QTGAL: variants seen among roughly 807,000 people sequenced by gnomAD.
QTGAL encodes queuosine-tRNA galactosyltransferase, also known as BGnT-like protein 1.
the QTGAL span, among the ~76,000 whole-genome samples, chr17:83,032,577 C>G: frequency 1.3e-5 from 2 of 152,240 alleles, no homozygotes; most frequent in African/African-American, 4.8e-5. Context: ...CTAATCCTGT[C>G]ACCCAAAGAC....
At chr17:83,011,255 A>G in the QTGAL span, among the ~76,000 whole-genome samples, 1 of 152,222 alleles carries the variant, frequency 6.6e-6, no homozygotes, top group South Asian at 2.1e-4. Context: ...ACAGGGCGCA[A>G]TGCGGGTTCC....
the QTGAL span, chr17:82,945,419 G>A: frequency 1.3e-5 from 2 of 152,340 alleles, no homozygotes; most frequent in South Asian, 4.1e-4. Context: ...CAGTGAAACT[G>A]CAGAACTGTA....
chr17:82,956,723 C>T, the QTGAL span: 76 of 1,589,010 alleles, frequency 4.8e-5, no homozygotes, highest in South Asian at 2.0e-4. The surrounding 1 kb of genome is among the most constrained non-coding windows in gnomAD (Gnocchi z 5.7). Context: ...GAAGGGTGGC[C>T]GGGCGGCTCG....
chr17:82,951,064 C>G, the QTGAL span, among the ~76,000 whole-genome samples: 1 of 152,344 alleles, frequency 6.6e-6, no homozygotes, highest in South Asian at 2.1e-4. Flanking sequence ...AGAATATAAA[C>G]TTGCACATGC....
the QTGAL span, among the ~76,000 whole-genome samples, chr17:83,000,911 A>G: frequency 6.6e-6 from 1 of 152,208 alleles, no homozygotes. Context: ...AGCAAATGTA[A>G]AACTGCTGTG....
chr17:82,984,315 T>G, the QTGAL span, among the ~76,000 whole-genome samples: 5 of 51,678 alleles, frequency 9.7e-5, no homozygotes, highest in Non-Finnish European at 1.5e-4. Flanking sequence ...TGTGAGGATG[T>G]GGGGGAGAGG....
At chr17:82,960,124 G>A in the QTGAL span, among the ~76,000 whole-genome samples, 17 of 152,304 alleles carry the variant, frequency 1.1e-4, no homozygotes, top group South Asian at 4.1e-4. Flanking sequence ...GGAGAGGAGC[G>A]CGGACGCGGG....
At chr17:82,957,949 G>C in the QTGAL span, among the ~76,000 whole-genome samples, 5 of 152,128 alleles carry the variant, frequency 3.3e-5, no homozygotes, top group Non-Finnish European at 5.9e-5. Flanking sequence ...CCTGGTCTCT[G>C]TTCTCCCTCT....
At chr17:82,964,794 C>CG in the QTGAL span, among the ~76,000 whole-genome samples, 20 of 69,906 alleles carry the variant, frequency 2.9e-4, 1 homozygote, top group Non-Finnish European at 3.9e-4. Flanking sequence ...TGCACCCCCA[C>CG]GGGGGGATGG....
the QTGAL span, chr17:83,007,200 C>T: frequency 1.0e-6 from 1 of 983,656 alleles, no homozygotes. Context: ...TGAATTCTAT[C>T]TGTGAACCTT....
the QTGAL span, among the ~76,000 whole-genome samples, chr17:82,958,336 G>A: frequency 6.6e-6 from 1 of 152,188 alleles, no homozygotes; most frequent in African/African-American, 2.4e-5. Flanking sequence ...CCCTGCCCTG[G>A]CCGAGTCCTG....
chr17:83,026,717 G>A, the QTGAL span, among the ~76,000 whole-genome samples: 1 of 125,854 alleles, frequency 7.9e-6, no homozygotes, highest in South Asian at 2.6e-4. Context: ...CAGACACGCA[G>A]AGGAGGGCAG....
At chr17:83,026,253 C>T in the QTGAL span, among the ~76,000 whole-genome samples, 44 of 152,148 alleles carry the variant, frequency 2.9e-4, no homozygotes, top group Non-Finnish European at 5.4e-4. Context: ...TCTTCCGTGC[C>T]CTGGGAGCTG....
At chr17:83,006,265 G>A in the QTGAL span, 1 of 985,568 alleles carries the variant, frequency 1.0e-6, no homozygotes, top group Non-Finnish European at 1.2e-6. The surrounding 1 kb of genome is among the most constrained non-coding windows in gnomAD (Gnocchi z 5.8). Flanking sequence ...GAGGCCCCTG[G>A]ATCTGTCTCC....
At chr17:82,979,025 A>G in the QTGAL span, among the ~76,000 whole-genome samples, 2 of 152,202 alleles carry the variant, frequency 1.3e-5, no homozygotes, top group Non-Finnish European at 2.9e-5. Flanking sequence ...ATTAAAAGAG[A>G]AGAGAGGTCT....
the QTGAL span, chr17:82,961,231 C>T: frequency 6.3e-7 from 1 of 1,577,250 alleles, no homozygotes; most frequent in Non-Finnish European, 8.6e-7. Flanking sequence ...GAAACGCGTG[C>T]CTGCCCCGGA....
chr17:83,035,988 G>C, the QTGAL span, among the ~76,000 whole-genome samples: 1 of 142,764 alleles, frequency 7.0e-6, no homozygotes, highest in South Asian at 2.1e-4. Flanking sequence ...TCCTCTTGGC[G>C]TGCATCTCTG....
At chr17:82,979,597 T>G in the QTGAL span, among the ~76,000 whole-genome samples, 1 of 152,254 alleles carries the variant, frequency 6.6e-6, no homozygotes, top group African/African-American at 2.4e-5. Context: ...CTACAACATG[T>G]GAATGAAGGA....
At chr17:82,955,317 C>A in the QTGAL span, among the ~76,000 whole-genome samples, 8 of 152,188 alleles carry the variant, frequency 5.3e-5, no homozygotes, top group Non-Finnish European at 1.0e-4. Context: ...TGAACAGACA[C>A]TTCTCAAAAG....
Sources: allele counts gnomAD v4.1 joint callset (sites outside exome capture counted in the v4.1 genomes callset), GRCh38; gene constraint gnomAD v4.1.1; non-coding constraint Gnocchi (gnomAD v3.1); transcripts MANE v1.5; gene names NCBI Gene and HGNC (gene_info 2026-07-23, HGNC 2026-07-21).